KIAA0232: variants seen among roughly 807,000 people sequenced by gnomAD.
The protein encoded by KIAA0232 is KIAA0232.
KIAA0232 carries 27 observed loss-of-function variants against 122.0 expected under a neutral mutation model. The ratio of observed to expected loss-of-function variants is 0.22; its 90% CI spans 0.16 to 0.31. The LOEUF (loss-of-function observed/expected upper bound fraction) is 0.31. Ranked by LOEUF, KIAA0232 falls within the 10% of genes least tolerant of loss-of-function variation. The pLI, the probability that KIAA0232 is intolerant of heterozygous loss-of-function variation, is 1.00. For synonymous variants in KIAA0232, 613 were observed against 587.6 expected (o/e 1.04, Z -0.63); for missense variants, 1,551 against 1,634.2 (o/e 0.95, Z 0.88).
intron 1 of KIAA0232, among the ~76,000 whole-genome samples, chr4:6,801,312 A>G (rs550414073): frequency 5.6e-4 from 85 of 152,360 alleles, no homozygotes; most frequent in African/African-American, 1.8e-3. Flanking sequence ...TCATTGGACA[A>G]TGCAGTTCTA....
intron 5 of KIAA0232, among the ~76,000 whole-genome samples, chr4:6,857,557 G>A (rs1720628387): frequency 6.6e-6 from 1 of 152,086 alleles, no homozygotes; most frequent in Non-Finnish European, 1.5e-5. Context: ...CAGAGATCAG[G>A]AACAATATTG....
Position 6,861,475 on chromosome 4 carries a change from C to T in KIAA0232, c.1093C>T (p.Arg365Trp), listed in dbSNP as rs751571296. 62 of 1,613,848 alleles carry T rather than the reference C, an allele frequency of 3.8e-5. No individual in the cohort carries two copies. The highest frequency in any genetic ancestry group is 1.5e-4 in the Admixed American group (9 of 59,954). The stretch of plus-strand genomic sequence containing the variant: ...TGGTTCTGTCAAACAGCTGTGCAAG[C>T]GGGGTAAGAGACCTTTAAAAGAAAT... The part of the protein sequence containing the change: ...SSGSVKQLCK[R>W]GKRPLKEIGR... Residue 365 changes from arginine to tryptophan, a missense_variant, in exon 7 of 10, where the codon CGG becomes TGG. By Grantham distance (101) the Arg-to-Trp change is moderately radical. Coordinates refer to ENST00000307659, the MANE Select transcript of KIAA0232 (RefSeq NM_014743.3).
At chr4:6,819,549 A>G (rs536213661) in intron 2 of KIAA0232, among the ~76,000 whole-genome samples, 8 of 152,328 alleles carry the variant, frequency 5.3e-5, no homozygotes, top group African/African-American at 1.9e-4. Flanking sequence ...CAAAACCACA[A>G]TGAGTTAACA....
intron 3 of KIAA0232, among the ~76,000 whole-genome samples, chr4:6,840,252 C>T (rs1353549341): frequency 6.6e-6 from 1 of 152,136 alleles, no homozygotes; most frequent in Non-Finnish European, 1.5e-5. Flanking sequence ...CACACACTGT[C>T]CAGAGGTCAT....
intron 1 of KIAA0232, among the ~76,000 whole-genome samples, chr4:6,802,879 T>G (rs1359925577): frequency 6.6e-6 from 1 of 151,694 alleles, no homozygotes; most frequent in Non-Finnish European, 1.5e-5. Context: ...TGCATATAGC[T>G]GGGGGCAGTG....
chr4:6,818,355 G>A lies in KIAA0232; in HGVS notation c.-269-5830G>A, dbSNP rs141769692. Reference sequence around the variant, plus strand: ...GCGGAGTTTGCAGTGAGCCAAAGTTGCACCACTGCACTTGAGCCTGGGCAA... The same window carrying A: ...GCGGAGTTTGCAGTGAGCCAAAGTTACACCACTGCACTTGAGCCTGGGCAA... On this transcript the variant is annotated intron_variant, in intron 2 of 9. Transcript: ENST00000307659. 2.3e-4 allele frequency among the ~76,000 whole-genome samples: 34 copies of A among 146,454 alleles called. 1 individual carries two copies. In the East Asian group the frequency reaches 6.0e-3, roughly 26 times the overall value.
rs1007535304 is a variant in KIAA0232, at chr4:6,880,822, G to C, written c.4044G>C (p.Glu1348Asp). 8.8e-6 allele frequency: 14 copies of C among 1,598,696 alleles called. No homozygotes were observed. The African/African-American group carries it at 1.7e-4, about 20-fold the overall frequency. The change falls in exon 10 of 10, where the codon GAG (glutamate) becomes GAC (aspartate). Residue 1348 changes from glutamate to aspartate, a missense_variant. Coordinates refer to ENST00000307659, the MANE Select transcript of KIAA0232 (RefSeq NM_014743.3). ...SSVYEARCTGERDSGAKSDGF... is the reference protein window; with the variant it reads ...SSVYEARCTGDRDSGAKSDGF... ...TTTATGAAGCAAGATGTACAGGAGA[G>C]AGAGATTCTGGAGCAAAGTCAGATG...
chr4:6,870,760 C>T (rs1721432571), intron 7 of KIAA0232, among the ~76,000 whole-genome samples: 1 of 151,772 alleles, frequency 6.6e-6, no homozygotes, highest in Non-Finnish European at 1.5e-5. Flanking sequence ...TGAGATCGTG[C>T]CACTGCACTC....
At chr4:6,821,692 G>C (rs532034496) in intron 2 of KIAA0232, among the ~76,000 whole-genome samples, 3 of 150,234 alleles carry the variant, frequency 2.0e-5, no homozygotes, top group African/African-American at 7.5e-5. Flanking sequence ...ATATATGTGT[G>C]TGTGTGTGTG....
chr4:6,834,079 T>C (rs1330893547), intron 3 of KIAA0232, among the ~76,000 whole-genome samples: 1 of 152,158 alleles, frequency 6.6e-6, no homozygotes, highest in Non-Finnish European at 1.5e-5. Flanking sequence ...TGCCTGACTC[T>C]CCATTTCTTT....
Position 6,855,680 on chromosome 4 carries a change from T to A in KIAA0232, c.370-1484T>A. The A allele has an allele frequency of 6.0e-6, 1 of 167,664 alleles. No individual in the cohort carries two copies. The highest frequency in any genetic ancestry group is 1.2e-5 in the Non-Finnish European group (1 of 82,072). The allele number at this position is 167,664 out of a possible 1,614,324, so 10.4% of individuals were successfully genotyped here. A position where few individuals can be genotyped will look rare whatever the true frequency, so the allele number is the denominator to read the frequency against. On this transcript the variant is annotated intron_variant, in intron 4 of 9. Transcript: ENST00000307659. The surrounding 1 kb of genome is among the most constrained non-coding windows in gnomAD (Gnocchi z 4.3). Reference sequence around the variant, plus strand: ...ACTAGGTTGTAATGACCATTCTGATTAAATGGGACCCCATTTTAGAGTATT... The same window carrying A: ...ACTAGGTTGTAATGACCATTCTGATAAAATGGGACCCCATTTTAGAGTATT...
At chr4:6,783,125 G>A (rs1054712948) in intron 1 of KIAA0232, among the ~76,000 whole-genome samples, 3 of 151,852 alleles carry the variant, frequency 2.0e-5, no homozygotes, top group African/African-American at 7.3e-5. Flanking sequence ...GAGGGAGGCC[G>A]GGCCGCCGCT....
rs1428946076 is a variant in KIAA0232, at chr4:6,882,149, C to T, written c.*1183C>T. ...TGCATGGCGATCCGCTCCTCCGGCT[C>T]TCATGGCATTGTGCCACAGGCAGAG... On this transcript the variant is annotated 3_prime_UTR_variant, in exon 10 of 10. Coordinates refer to ENST00000307659, the MANE Select transcript of KIAA0232 (RefSeq NM_014743.3). The T allele has an allele frequency of 6.6e-6, 1 of 152,344 alleles. No individual in the cohort carries two copies. The highest frequency in any genetic ancestry group is 1.9e-4 in the East Asian group (1 of 5,198). 9.4% of individuals were successfully genotyped at this position (152,344 alleles called of 1,614,324 possible). A position where few individuals can be genotyped will look rare whatever the true frequency, so the allele number is the denominator to read the frequency against.
chr4:6,795,708 T>G (rs1480866366), intron 1 of KIAA0232, among the ~76,000 whole-genome samples: 1 of 152,348 alleles, frequency 6.6e-6, no homozygotes, highest in East Asian at 1.9e-4. Context: ...TCCTCCCATT[T>G]CAGCCTCCTG....
At chr4:6,783,644 G>A (rs1366582291) in intron 1 of KIAA0232, among the ~76,000 whole-genome samples, 1 of 150,678 alleles carries the variant, frequency 6.6e-6, no homozygotes, top group Non-Finnish European at 1.5e-5. Flanking sequence ...GGGCGGGGCC[G>A]GGAGGCCGGC....
chr4:6,823,333 G>A (rs1041140419), intron 2 of KIAA0232, among the ~76,000 whole-genome samples: 5 of 152,122 alleles, frequency 3.3e-5, no homozygotes, highest in South Asian at 2.1e-4. Flanking sequence ...TTCTAGTTCT[G>A]GATCCCTGAG....
intron 3 of KIAA0232, among the ~76,000 whole-genome samples, chr4:6,834,674 CTTT>C (rs1232523642): frequency 6.6e-6 from 1 of 152,082 alleles, no homozygotes; most frequent in Non-Finnish European, 1.5e-5. Flanking sequence ...AAAAGGTGTT[CTTT>C]AAGACTGACA....
intron 3 of KIAA0232, among the ~76,000 whole-genome samples, chr4:6,830,854 A>T (rs1718938561): frequency 6.6e-6 from 1 of 151,962 alleles, no homozygotes; most frequent in Non-Finnish European, 1.5e-5. Flanking sequence ...TGACCTGATC[A>T]CTGCAGTGAC....
intron 4 of KIAA0232, among the ~76,000 whole-genome samples, chr4:6,856,920 A>G (rs1577402825): frequency 6.6e-6 from 1 of 152,232 alleles, no homozygotes; most frequent in African/African-American, 2.4e-5. Flanking sequence ...TGGGAGGTAC[A>G]TGAATATGTT....
Sources: gnomAD v4.1 joint callset for allele counts (sites outside exome capture counted in the v4.1 genomes callset) on GRCh38, gnomAD v4.1.1 for gene constraint, Gnocchi (gnomAD v3.1) non-coding constraint, MANE v1.5 for transcripts, NCBI Gene and HGNC (gene_info 2026-07-23, HGNC 2026-07-21) for gene names.